Variants in SETD2 observed in about 807,000 individuals in gnomAD.
SETD2 encodes the protein histone-lysine N-methyltransferase SETD2.
SETD2 carries 31 observed loss-of-function variants against 242.1 expected under a neutral mutation model. The observed-to-expected ratio is 0.13, with a 90% CI of 0.10 to 0.17. The LOEUF is 0.17. Among genes scored for constraint, SETD2 ranks in the 10% least tolerant of loss-of-function variants. SETD2 has a pLI of 1.00. For missense variants in SETD2, 2,481 were observed against 3,046.3 expected, an observed-to-expected ratio of 0.81 and a Z score of 4.37; for synonymous variants, 1,006 against 1,066.5, an observed-to-expected ratio of 0.94 and a Z score of 1.11.
At chr3:47,072,047 G>A (rs193088311) in intron 12 of SETD2, among the ~76,000 whole-genome samples, 74 of 152,158 alleles carry the variant, frequency 4.9e-4, no homozygotes, top group Admixed American at 2.7e-3. Context: ...AGTGGCTCAC[G>A]CTTGTAATCC....
intron 18 of SETD2, among the ~76,000 whole-genome samples, chr3:47,032,856 G>A (rs889652027): frequency 4.6e-5 from 7 of 151,796 alleles, no homozygotes; most frequent in Admixed American, 4.6e-4. Flanking sequence ...AAGTTGCAAT[G>A]AGCCGAGATC....
chr3:47,150,638 A>G (rs1157312011), intron 1 of SETD2, among the ~76,000 whole-genome samples: 1 of 152,084 alleles, frequency 6.6e-6, no homozygotes, highest in Non-Finnish European at 1.5e-5. Context: ...AGCCCAACAC[A>G]TACCACTCAA....
chr3:47,097,606 T>G (rs1196196789), intron 9 of SETD2, among the ~76,000 whole-genome samples: 6 of 152,190 alleles, frequency 3.9e-5, no homozygotes, highest in Non-Finnish European at 8.8e-5. Flanking sequence ...ACTCAAAGTT[T>G]AGAGTACCAA....
In SETD2 at chr3:47,122,588, A is replaced by T. The variant is rs2106682320; in HGVS notation, c.2048T>A (p.Leu683Ter). The T allele has an allele frequency of 6.2e-7, 1 of 1,614,146 alleles. No individual in the cohort carries two copies. Among genetic ancestry groups the T allele is most frequent in the Admixed American group, 1.7e-5 (1 of 60,020 alleles). ...INGSPGAESD[L>*]ATFCTSKTDA... ...AGTTTTAGAAGTGCAAAATGTTGCC[A>T]AATCAGATTCTGCCCCAGGAGATCC... The change falls in exon 3 of 21, where the codon TTG (leucine) becomes TAG (stop). Residue 683 changes from leucine to a stop codon, truncating the protein, a stop_gained. Coordinates refer to ENST00000409792, the MANE Select transcript of SETD2 (RefSeq NM_014159.7). LOFTEE classifies it high-confidence loss of function.
chr3:47,120,273 T>C lies in SETD2; in HGVS notation c.4363A>G (p.Arg1455Gly), dbSNP rs2107739760. 2 of 1,613,158 alleles carry C rather than the reference T, an allele frequency of 1.2e-6. No homozygotes were observed. Among genetic ancestry groups the C allele is most frequent in the Non-Finnish European group, 1.7e-6 (2 of 1,179,650 alleles). Residue 1455 changes from arginine to glycine, a missense_variant, in exon 3 of 21, where the codon AGG (arginine) becomes GGG (glycine). Transcript: ENST00000409792. ...CATTCCTTCCATCGCTGTGGGTCCCTGAAGTCATCCATGACACAGGAGGGC... is the reference window on the plus strand; with the variant it reads ...CATTCCTTCCATCGCTGTGGGTCCCCGAAGTCATCCATGACACAGGAGGGC... ...VGPSCVMDDF[R>G]DPQRWKECAK...
At chr3:47,097,376 T>G (rs1316322021) in intron 9 of SETD2, among the ~76,000 whole-genome samples, 2 of 152,206 alleles carry the variant, frequency 1.3e-5, no homozygotes, top group Admixed American at 6.5e-5. Context: ...AAGTCCTTTT[T>G]GCAATTGATA....
chr3:47,152,354 G>C (rs772354955), intron 1 of SETD2, among the ~76,000 whole-genome samples: 2 of 152,166 alleles, frequency 1.3e-5, no homozygotes, highest in Non-Finnish European at 2.9e-5. Flanking sequence ...TAAATTAATG[G>C]AAGAGTCGTA....
At chr3:47,055,945 G>A (rs1476797929) in intron 15 of SETD2, among the ~76,000 whole-genome samples, 3 of 137,842 alleles carry the variant, frequency 2.2e-5, no homozygotes, top group Middle Eastern at 4.0e-3. Context: ...CCCGGGAGGC[G>A]GAGCTTGCAG....
intron 16 of SETD2, among the ~76,000 whole-genome samples, chr3:47,044,520 A>G (rs1240199855): frequency 1.3e-5 from 2 of 152,092 alleles, no homozygotes; most frequent in Non-Finnish European, 2.9e-5. Context: ...GTCATCATCA[A>G]TTGCTGGATT....
At position 47,120,350 on chromosome 3, in the gene SETD2, A is replaced by T. The variant is rs771991446; in HGVS notation, c.4286T>A (p.Val1429Glu). The T allele has an allele frequency of 6.2e-7, 1 of 1,612,538 alleles. No homozygotes were observed. Among genetic ancestry groups the T allele is most frequent in the Non-Finnish European group, 8.5e-7 (1 of 1,179,566 alleles). ...GELQDRKKVR[V>E]EVEQGETSVP... ...TGATGTCTCTCCCTGCTCTACCTCC[A>T]CTCTAACTTTCTTTCTGTCCTGAAG... The change falls in exon 3 of 21, where the codon GTG becomes GAG. Residue 1429 changes from valine to glutamate, a missense_variant. Around this residue, in one of 17 missense-constraint regions of SETD2, gnomAD observed 1,300 missense variants for 1,259.2 expected, o/e 1.03. Coordinates refer to ENST00000409792, the MANE Select transcript of SETD2 (RefSeq NM_014159.7).
chr3:47,162,194 T>C (rs1697507868), intron 1 of SETD2, among the ~76,000 whole-genome samples: 1 of 152,172 alleles, frequency 6.6e-6, no homozygotes, highest in Non-Finnish European at 1.5e-5. Context: ...TAAAAGGAAG[T>C]GAAAGCAGGC....
chr3:47,058,885 C>T (rs146257535), intron 14 of SETD2, among the ~76,000 whole-genome samples: 1 of 151,496 alleles, frequency 6.6e-6, no homozygotes, highest in South Asian at 2.1e-4. Flanking sequence ...AGCTCCACCC[C>T]CCGGGTTCAT....
chr3:47,123,331 A>G lies in SETD2; in HGVS notation c.1305T>C (p.His435=), dbSNP rs2043184210. ...TCCTCTCTCGATAAGGGGAGCTCCTATGGTAGCGACGATCAGAGTCATAAT... is the reference window on the plus strand; with the variant it reads ...TCCTCTCTCGATAAGGGGAGCTCCTGTGGTAGCGACGATCAGAGTCATAAT... ...SHYYDSDRRY[H]RSSPYRERTR... Residue 435 remains histidine (H), a synonymous_variant, in exon 3 of 21, where the codon CAT becomes CAC. Transcript: ENST00000409792. The G allele has an allele frequency of 6.4e-7, 1 of 1,551,566 alleles. No homozygotes were observed.
At chr3:47,074,547 A>G (rs1439464204) in intron 12 of SETD2, among the ~76,000 whole-genome samples, 4 of 152,176 alleles carry the variant, frequency 2.6e-5, no homozygotes, top group Non-Finnish European at 5.9e-5. Flanking sequence ...CCATACCTAG[A>G]AAGTCCTCCT....
intron 13 of SETD2, 34 bp from the exon 14 acceptor site, chr3:47,062,380 T>C (rs778497581): frequency 1.3e-6 from 2 of 1,552,990 alleles, no homozygotes; most frequent in Non-Finnish European, 1.7e-6. Context: ...TGTTTTTTTT[T>C]TTTTTAAGTT....
rs201752182 is a variant in SETD2, at chr3:47,122,033, T to C, written c.2603A>G (p.Asp868Gly). Residue 868 changes from aspartate to glycine, a missense_variant, in exon 3 of 21, where the codon GAT becomes GGT. By Grantham distance (94) the Asp-to-Gly change is moderately conservative (BLOSUM62 -1). Coordinates refer to ENST00000409792, the MANE Select transcript of SETD2 (RefSeq NM_014159.7). The stretch of plus-strand genomic sequence containing the variant: ...ACTCCCAATAGGTTGATATAAATCA[T>C]CAAAATGATTAACAGAAGCTGAACT... ...STSSASVNHF[D>G]DLYQPIGSSG... 1,255 of 1,613,894 alleles carry C rather than the reference T, an allele frequency of 7.8e-4. 10 individuals are homozygous for C. The South Asian group carries it at 0.013, about 17-fold the overall frequency.
chr3:47,057,326 T>C lies in SETD2; in HGVS notation c.6458A>G (p.Asp2153Gly). 6.2e-7 allele frequency: 1 copy of C among 1,613,910 alleles called. No homozygotes were observed. Among genetic ancestry groups the C allele is most frequent in the Non-Finnish European group, 8.5e-7 (1 of 1,179,974 alleles). The change falls in exon 15 of 21, where the codon GAC (aspartate) becomes GGC (glycine). Residue 2153 changes from aspartate (D) to glycine (G), a missense_variant. By Grantham distance (94) the Asp-to-Gly change is moderately conservative (BLOSUM62 -1). Around this residue, in one of 17 missense-constraint regions of SETD2, gnomAD observed 45 missense variants for 62.8 expected, o/e 0.72. Coordinates refer to ENST00000409792, the MANE Select transcript of SETD2 (RefSeq NM_014159.7). The stretch of plus-strand genomic sequence containing the variant: ...ATGCGGGGCATTATAACCAAGAGAG[T>C]CATAGGGCAGTGGTGATGTCATTCC... Reference protein sequence around the residue: ...NLGMTSPLPYDSLGYNAPHHP... With the variant: ...NLGMTSPLPYGSLGYNAPHHP...
intron 15 of SETD2, among the ~76,000 whole-genome samples, chr3:47,048,384 G>A (rs868686472): frequency 8.6e-5 from 13 of 152,012 alleles, no homozygotes; most frequent in South Asian, 4.1e-4. Flanking sequence ...GCGAGATGCC[G>A]TCTCAAAAAA....
In SETD2 at chr3:47,042,602, T is replaced by G. The variant is rs201274969; in HGVS notation, c.7197A>C (p.Arg2399=). Reference sequence around the variant, plus strand: ...AGTAATAAATCTTCCCTTCTGGATCTCGAGCTGTCTTCCAGTTGGGAGGTA... The same window carrying G: ...AGTAATAAATCTTCCCTTCTGGATCGCGAGCTGTCTTCCAGTTGGGAGGTA... ...IVLPPNWKTA[R]DPEGKIYYYH... is the part of the protein sequence containing the mutation. Residue 2399 remains arginine, a synonymous_variant, in exon 17 of 21, where the codon CGA becomes CGC. Coordinates refer to ENST00000409792, the MANE Select transcript of SETD2 (RefSeq NM_014159.7). The G allele has an allele frequency of 1.9e-5, 30 of 1,613,970 alleles. 1 individual carries two copies. The highest frequency in any genetic ancestry group is 2.5e-5 in the Non-Finnish European group (29 of 1,179,992).
Sources: allele counts gnomAD v4.1 joint callset (sites outside exome capture counted in the v4.1 genomes callset), GRCh38; gene constraint gnomAD v4.1.1; regional missense constraint gnomAD v4.1.1; transcripts MANE v1.5; gene names NCBI Gene and HGNC (gene_info 2026-07-23, HGNC 2026-07-21).